Variants in ONECUT2 observed in about 807,000 individuals in gnomAD.
ONECUT2 encodes the protein one cut domain family member 2.
ONECUT2 carries 10 observed loss-of-function variants against 27.9 expected under a neutral mutation model. The ratio of observed to expected loss-of-function variants is 0.36; its 90% CI spans 0.22 to 0.61. The LOEUF (loss-of-function observed/expected upper bound fraction) is 0.61. ONECUT2 is among the 20% of genes least tolerant of loss of function. The pLI, the probability that ONECUT2 is intolerant of heterozygous loss-of-function variation, is 0.73. For missense variants in ONECUT2, 686 were observed against 721.0 expected (o/e 0.95, Z 0.56); for synonymous variants, 334 against 315.1 (o/e 1.06, Z -0.64).
Position 57,481,887 on chromosome 18 carries a change from C to G in ONECUT2, c.*5164C>G, listed in dbSNP as rs1401944373. On this transcript the variant is annotated 3_prime_UTR_variant, in exon 2 of 2. Coordinates refer to ENST00000491143, the MANE Select transcript of ONECUT2 (RefSeq NM_004852.3). ...CTTCTAGATTCGTAACAGGTTAGAG[C>G]TGACTTTTTGTTTTTGTTGTTGCTG... 6.6e-6 allele frequency: 1 copy of G among 152,180 alleles called. No homozygotes were observed. Among genetic ancestry groups the G allele is most frequent in the Non-Finnish European group, 1.5e-5 (1 of 68,030 alleles). 9.4% of individuals were successfully genotyped at this position (152,180 alleles called of 1,614,324 possible). A position where few individuals can be genotyped will look rare whatever the true frequency, so the allele number is the denominator to read the frequency against.
intron 1 of ONECUT2, among the ~76,000 whole-genome samples, chr18:57,471,715 C>T (rs2050355010): frequency 6.6e-6 from 1 of 152,218 alleles, no homozygotes; most frequent in South Asian, 2.1e-4. Context: ...TCCTGGGCCA[C>T]AGGACACAAC....
intron 1 of ONECUT2, chr18:57,444,386 G>A (rs934172558): frequency 8.8e-6 from 4 of 456,644 alleles, no homozygotes; most frequent in African/African-American, 6.0e-5. Flanking sequence ...ATTTGGAGAG[G>A]CCACAGGCAG....
chr18:57,475,673 A>AG (rs2050378263), intron 1 of ONECUT2, among the ~76,000 whole-genome samples: 1 of 152,210 alleles, frequency 6.6e-6, no homozygotes, highest in Non-Finnish European at 1.5e-5. Context: ...CTTCTGCTAA[A>AG]TCAAAGAGAC....
In ONECUT2 at chr18:57,487,493, C is replaced by T. The variant is rs963967022; in HGVS notation, c.*10770C>T. On this transcript the variant is annotated 3_prime_UTR_variant, in exon 2 of 2. Coordinates refer to ENST00000491143, the MANE Select transcript of ONECUT2 (RefSeq NM_004852.3). The stretch of plus-strand genomic sequence containing the variant: ...GGCTATTTTTGACTATGCGTGGTTT[C>T]TTCTCGTATTTTGTGATCAGGTCAG... 6.6e-6 allele frequency: 1 copy of T among 152,074 alleles called. No individual in the cohort carries two copies. The highest frequency in any genetic ancestry group is 2.4e-5 in the African/African-American group (1 of 41,408). 9.4% of individuals were successfully genotyped at this position (152,074 alleles called of 1,614,324 possible).
rs1568126297 is a variant in ONECUT2, at chr18:57,479,551, G to T, written c.*2828G>T. 1.3e-5 allele frequency: 2 copies of T among 152,604 alleles called. No individual in the cohort carries two copies. Among genetic ancestry groups the T allele is most frequent in the Non-Finnish European group, 1.5e-5 (1 of 68,032 alleles). The allele number at this position is 152,604 out of a possible 1,614,324, so 9.5% of individuals were successfully genotyped here. ...GATCTCTATGGAAGTTTCTGGGACA[G>T]GTTTAAAGTCAAGATCAAGCATTTT... On this transcript the variant is annotated 3_prime_UTR_variant, in exon 2 of 2. Transcript: ENST00000491143.
rs1205157644 is a variant in ONECUT2 at position 57,478,055 on chromosome 18, A to G, written c.*1332A>G. On this transcript the variant is annotated 3_prime_UTR_variant, in exon 2 of 2. Coordinates refer to ENST00000491143, the MANE Select transcript of ONECUT2 (RefSeq NM_004852.3). ...TTATGACTTGTCATTTTCTAGCCTA[A>G]AAATACTGTGATTACTTTTAGAAAT... 2 of 152,786 alleles carry G rather than the reference A, an allele frequency of 1.3e-5. No individual in the cohort carries two copies. Among genetic ancestry groups the G allele is most frequent in the East Asian group, 3.9e-4 (2 of 5,190 alleles). 9.5% of individuals were successfully genotyped at this position (152,786 alleles called of 1,614,324 possible).
chr18:57,444,878 G>A (rs887976730), intron 1 of ONECUT2, among the ~76,000 whole-genome samples: 1 of 152,082 alleles, frequency 6.6e-6, no homozygotes, highest in Non-Finnish European at 1.5e-5. Context: ...TGGGAAGGGG[G>A]GTGGGAAGAG....
At chr18:57,455,518 A>C (rs993259431) in intron 1 of ONECUT2, among the ~76,000 whole-genome samples, 10 of 152,194 alleles carry the variant, frequency 6.6e-5, no homozygotes, top group African/African-American at 2.4e-4. Flanking sequence ...AGTGGCTTCC[A>C]GTTAATTCAC....
intron 1 of ONECUT2, among the ~76,000 whole-genome samples, chr18:57,464,711 T>G (rs894720743): frequency 2.6e-5 from 4 of 152,242 alleles, no homozygotes; most frequent in African/African-American, 4.8e-5. Flanking sequence ...CCTTTTTCCT[T>G]CCTGCAGATT....
chr18:57,465,975 G>A (rs946351694), intron 1 of ONECUT2, among the ~76,000 whole-genome samples: 1 of 152,164 alleles, frequency 6.6e-6, no homozygotes, highest in Non-Finnish European at 1.5e-5. Flanking sequence ...ACAACCCCCG[G>A]TATACTGCAC....
chr18:57,470,025 A>ACAATAATAATGCTG lies in ONECUT2; in HGVS notation c.1229-6405_1229-6404insAATGCTGCAATAAT, dbSNP rs1190513607. 5.9e-5 allele frequency among the ~76,000 whole-genome samples: 9 copies of ACAATAATAATGCTG among 152,354 alleles called. No individual in the cohort carries two copies. The East Asian group carries it at 1.7e-3, about 29-fold the overall frequency. On this transcript the variant is annotated intron_variant, in intron 1 of 1. Transcript: ENST00000491143. ...GCTTCTGTATCAGTTACCTGTCACC[A>ACAATAATAATGCTG]CAATAATGCTGCAAAACACAGAACC...
At position 57,436,667 on chromosome 18, in the gene ONECUT2, G is replaced by A. The variant is rs560459115; in HGVS notation, c.951G>A (p.Ser317=). The part of the protein sequence containing the change: ...VLAPSRERPP[S]SSSGSQVATS... Reference sequence around the variant, plus strand: ...CACCCAGTCGCGAGCGGCCACCCTCGTCCTCATCGGGCTCGCAGGTGGCCA... The same window carrying A: ...CACCCAGTCGCGAGCGGCCACCCTCATCCTCATCGGGCTCGCAGGTGGCCA... Residue 317 remains serine (S), a synonymous_variant, in exon 1 of 2, where the codon TCG becomes TCA. Coordinates refer to ENST00000491143, the MANE Select transcript of ONECUT2 (RefSeq NM_004852.3). This position sits in a 1 kb window ranked among gnomAD's most constrained non-coding sequence, Gnocchi z 5.9. 4.0e-5 allele frequency: 65 copies of A among 1,612,778 alleles called. No individual in the cohort carries two copies. The highest frequency in any genetic ancestry group is 5.2e-5 in the Non-Finnish European group (61 of 1,179,970).
Position 57,470,978 on chromosome 18 carries a change from C to G in ONECUT2, c.1229-5459C>G, listed in dbSNP as rs557539924. ...AAAACGCACGATGCGTGACAAGCAG[C>G]CTTTCTGGCCGGGGAAGCTACTCTG... On this transcript the variant is annotated intron_variant, in intron 1 of 1. Coordinates refer to ENST00000491143, the MANE Select transcript of ONECUT2 (RefSeq NM_004852.3). 2.0e-5 allele frequency among the ~76,000 whole-genome samples: 3 copies of G among 152,360 alleles called. No homozygotes were observed. The South Asian group carries it at 6.2e-4, about 32-fold the overall frequency.
Position 57,436,464 on chromosome 18 carries a change from G to T in ONECUT2, c.748G>T (p.Gly250Cys). 6.2e-7 allele frequency: 1 copy of T among 1,613,094 alleles called. No individual in the cohort carries two copies. The highest frequency in any genetic ancestry group is 8.5e-7 in the Non-Finnish European group (1 of 1,179,820). The change falls in exon 1 of 2, where the codon GGT becomes TGT. Residue 250 changes from glycine (G) to cysteine (C), a missense_variant. Gly to Cys is a radical substitution (Grantham distance 159). Around this residue, in one of 4 missense-constraint regions of ONECUT2, gnomAD observed 511 missense variants for 488.1 expected, o/e 1.05. Transcript: ENST00000491143. This position sits in a 1 kb window ranked among gnomAD's most constrained non-coding sequence, Gnocchi z 5.9. ...HNAQQSLPNY[G>C]PPGHDKMLSP... ...CGCGCAGCAGAGTCTGCCCAACTAC[G>T]GTCCGCCGGGCCACGACAAAATGCT... is the stretch of plus-strand genomic sequence containing the variant.
chr18:57,456,995 G>A (rs1003626154), intron 1 of ONECUT2, among the ~76,000 whole-genome samples: 1 of 151,952 alleles, frequency 6.6e-6, no homozygotes, highest in African/African-American at 2.4e-5. Flanking sequence ...CACCAGGTTG[G>A]TGAGGGAAAA....
intron 1 of ONECUT2, among the ~76,000 whole-genome samples, chr18:57,455,804 G>A (rs560783708): frequency 5.3e-5 from 8 of 150,924 alleles, no homozygotes; most frequent in East Asian, 2.3e-4. Context: ...GGAAAAGGAA[G>A]TAGGGGCAGG....
intron 1 of ONECUT2, among the ~76,000 whole-genome samples, chr18:57,466,691 G>A (rs140349548): frequency 1.1e-3 from 162 of 152,330 alleles, no homozygotes; most frequent in Non-Finnish European, 2.0e-3. Context: ...TAGACAGGAG[G>A]GAATATGGGT....
intron 1 of ONECUT2, among the ~76,000 whole-genome samples, chr18:57,458,062 G>A (rs2050269912): frequency 6.6e-6 from 1 of 152,070 alleles, no homozygotes; most frequent in Non-Finnish European, 1.5e-5. Context: ...CATGGCACAT[G>A]TATACGTATG....
chr18:57,448,211 A>G (rs2050211426), intron 1 of ONECUT2, among the ~76,000 whole-genome samples: 1 of 152,166 alleles, frequency 6.6e-6, no homozygotes, highest in African/African-American at 2.4e-5. Context: ...CTTTATTTCA[A>G]ATAACTTTAG....
Sources: allele counts gnomAD v4.1 joint callset (sites outside exome capture counted in the v4.1 genomes callset), GRCh38; gene constraint gnomAD v4.1.1; regional missense constraint gnomAD v4.1.1; non-coding constraint Gnocchi (gnomAD v3.1); transcripts MANE v1.5; gene names NCBI Gene and HGNC (gene_info 2026-07-23, HGNC 2026-07-21).